GAS2: variants seen among roughly 807,000 people sequenced by gnomAD.
GAS2 encodes growth arrest-specific protein 2.
Under a neutral mutation model 37.5 loss-of-function variants are expected in GAS2, and 20 were observed. The observed-to-expected ratio is 0.53, with a 90% CI of 0.37 to 0.77. The LOEUF (loss-of-function observed/expected upper bound fraction) is 0.77, where lower values mean the gene tolerates loss of function less well. GAS2 is among the 30% of genes least tolerant of loss of function. The pLI is 0.00. For missense variants in GAS2, 336 were observed against 373.4 expected (o/e 0.90, Z 0.82); for synonymous variants, 144 against 132.2 (o/e 1.09, Z -0.61).
intron 1 of GAS2, among the ~76,000 whole-genome samples, chr11:22,669,887 A>C (rs1357590696): frequency 3.9e-5 from 6 of 152,116 alleles, no homozygotes; most frequent in Non-Finnish European, 8.8e-5. Flanking sequence ...TTATTTTCTG[A>C]TTAGACCTTT....
At chr11:22,685,825 G>A (rs1295694873) in intron 3 of GAS2, 36 bp downstream of exon 3, 1 of 1,580,042 alleles carries the variant, frequency 6.3e-7, no homozygotes, top group East Asian at 2.3e-5. Flanking sequence ...CTCTTAGGTG[G>A]TAGATTACAT....
chr11:22,718,860 G>A (rs552605835), intron 3 of GAS2, among the ~76,000 whole-genome samples: 7 of 152,054 alleles, frequency 4.6e-5, no homozygotes, highest in South Asian at 4.1e-4. Context: ...GAAGCTGTTC[G>A]TAGTTGATGA....
chr11:22,742,734 T>C (rs1272407316), intron 5 of GAS2, among the ~76,000 whole-genome samples: 2 of 152,132 alleles, frequency 1.3e-5, no homozygotes, highest in African/African-American at 4.8e-5. Flanking sequence ...TCAAACCTAG[T>C]CTACTTTGTT....
chr11:22,694,343 C>T (rs1400157150), intron 3 of GAS2, among the ~76,000 whole-genome samples: 1 of 152,120 alleles, frequency 6.6e-6, no homozygotes, highest in Non-Finnish European at 1.5e-5. Flanking sequence ...TAAGTGCCAA[C>T]GTGTGTTCCT....
At chr11:22,655,145 T>G (rs1039171500) in intron 1 of GAS2, among the ~76,000 whole-genome samples, 1 of 152,150 alleles carries the variant, frequency 6.6e-6, no homozygotes, top group Non-Finnish European at 1.5e-5. Context: ...AGACTGTACA[T>G]TTTCAGGCCT....
At chr11:22,736,958 T>C (rs1852788532) in intron 4 of GAS2, among the ~76,000 whole-genome samples, 1 of 152,116 alleles carries the variant, frequency 6.6e-6, no homozygotes, top group Non-Finnish European at 1.5e-5. Flanking sequence ...GTATGATTTG[T>C]CACATTACTG....
At chr11:22,690,942 G>A (rs532154088) in intron 3 of GAS2, among the ~76,000 whole-genome samples, 1 of 152,166 alleles carries the variant, frequency 6.6e-6, no homozygotes, top group South Asian at 2.1e-4. Flanking sequence ...GGGCATCAGC[G>A]TGGGGCAAGA....
intron 7 of GAS2, among the ~76,000 whole-genome samples, chr11:22,802,671 A>C (rs1295382399): frequency 1.2e-4 from 18 of 152,102 alleles, no homozygotes; most frequent in Non-Finnish European, 4.4e-5. Flanking sequence ...ATAGTGTTGG[A>C]GGCTATTTGT....
intron 3 of GAS2, among the ~76,000 whole-genome samples, chr11:22,714,360 C>T (rs1455146787): frequency 6.6e-6 from 1 of 151,954 alleles, no homozygotes; most frequent in East Asian, 1.9e-4. Flanking sequence ...AACATGGGAG[C>T]TCCCAAATTT....
intron 3 of GAS2, among the ~76,000 whole-genome samples, chr11:22,716,865 G>T (rs1355772723): frequency 6.6e-6 from 1 of 152,010 alleles, no homozygotes; most frequent in African/African-American, 2.4e-5. Flanking sequence ...ACCAAGCTGA[G>T]AATCAAATCA....
intron 7 of GAS2, among the ~76,000 whole-genome samples, chr11:22,791,806 C>G (rs1856177708): frequency 6.6e-6 from 1 of 152,144 alleles, no homozygotes; most frequent in Non-Finnish European, 1.5e-5. Context: ...GTGTTGGCAA[C>G]TTAGGAATGG....
At chr11:22,630,713 A>G (rs1044254798) in intron 1 of GAS2, among the ~76,000 whole-genome samples, 4 of 152,210 alleles carry the variant, frequency 2.6e-5, no homozygotes, top group African/African-American at 9.7e-5. Flanking sequence ...ATTGGTCTAT[A>G]TATCTACTTT....
chr11:22,713,188 A>T (rs945037718), intron 3 of GAS2, among the ~76,000 whole-genome samples: 4 of 151,962 alleles, frequency 2.6e-5, no homozygotes, highest in Non-Finnish European at 5.9e-5. Flanking sequence ...TCTGGAAATG[A>T]GTGTCACACT....
chr11:22,760,209 G>A (rs1200667389), intron 7 of GAS2, among the ~76,000 whole-genome samples: 1 of 149,778 alleles, frequency 6.7e-6, no homozygotes, highest in Non-Finnish European at 1.5e-5. Context: ...TCAAACTCTT[G>A]GCCTCAGGTG....
At chr11:22,744,559 C>A (rs1028909221) in intron 5 of GAS2, among the ~76,000 whole-genome samples, 17 of 152,136 alleles carry the variant, frequency 1.1e-4, no homozygotes, top group Non-Finnish European at 2.2e-4. Context: ...ATATGATCAT[C>A]TGATAGATAT....
intron 7 of GAS2, among the ~76,000 whole-genome samples, chr11:22,790,985 G>C (rs1222410218): frequency 6.6e-6 from 1 of 152,116 alleles, no homozygotes; most frequent in Non-Finnish European, 1.5e-5. Context: ...ATAACACTGA[G>C]AGCATAGATA....
chr11:22,725,179 A>G lies in GAS2; in HGVS notation c.268-1113A>G, dbSNP rs369642787. Among the ~76,000 whole-genome samples, 61 of 152,156 alleles carry G rather than the reference A, an allele frequency of 4.0e-4. 3 individuals carry two copies. The Middle Eastern group carries it at 0.024, about 59-fold the overall frequency. On this transcript the variant is annotated intron_variant, in intron 3 of 7. Transcript: ENST00000454584. ...AATAATTTATTTCTATTAAAGAAAAAAGATAACACTTGGTATGGTTCCAAG... is the reference window on the plus strand; with the variant it reads ...AATAATTTATTTCTATTAAAGAAAAGAGATAACACTTGGTATGGTTCCAAG...
At chr11:22,787,715 C>T (rs2134539905) in intron 7 of GAS2, among the ~76,000 whole-genome samples, 1 of 152,290 alleles carries the variant, frequency 6.6e-6, no homozygotes, top group Admixed American at 6.5e-5. Flanking sequence ...AACAATGCAG[C>T]ACTGCATTTT....
At chr11:22,632,100 T>C (rs1333238908) in intron 1 of GAS2, among the ~76,000 whole-genome samples, 3 of 152,098 alleles carry the variant, frequency 2.0e-5, no homozygotes, top group Non-Finnish European at 4.4e-5. Context: ...ATTTTCTAGT[T>C]TGTTTGCAAA....
Sources: allele counts gnomAD v4.1 joint callset (sites outside exome capture counted in the v4.1 genomes callset), GRCh38; gene constraint gnomAD v4.1.1; transcripts MANE v1.5; gene names NCBI Gene and HGNC (gene_info 2026-07-23, HGNC 2026-07-21).